CPAMD8: variants seen among roughly 807,000 people sequenced by gnomAD.
CPAMD8 encodes the protein C3 and PZP like alpha-2-macroglobulin domain containing 8.
A neutral mutation model predicts 224.7 loss-of-function variants in CPAMD8; 146 were observed. The ratio of observed to expected loss-of-function variants is 0.65; its 90% CI spans 0.57 to 0.75. The LOEUF (loss-of-function observed/expected upper bound fraction) is 0.75, where lower values mean the gene tolerates loss of function less well. Ranked by LOEUF, CPAMD8 falls within the 30% of genes least tolerant of loss-of-function variation. The probability of loss-of-function intolerance (pLI) is 0.00; values close to 1 mark genes in which losing one functional copy is unlikely to be tolerated. For synonymous variants in CPAMD8, 966 were observed against 1,044.6 expected, an observed-to-expected ratio of 0.92 and a Z score of 1.45; for missense variants, 2,301 against 2,537.5, an observed-to-expected ratio of 0.91 and a Z score of 2.00.
intron 19 of CPAMD8, 127 bp from the exon 20 acceptor site, chr19:16,952,327 T>C (rs1331484324): frequency 6.2e-6 from 4 of 642,808 alleles, no homozygotes; most frequent in Non-Finnish European, 1.1e-5. Flanking sequence ...GAAACAAGCA[T>C]TGAAGGCATC....
intron 17 of CPAMD8, among the ~76,000 whole-genome samples, chr19:16,973,825 C>T (rs2055152099): frequency 7.0e-6 from 1 of 141,934 alleles, no homozygotes; most frequent in Non-Finnish European, 1.5e-5. Context: ...ATAGCATTAG[C>T]CCTTTTTTTT....
At position 17,020,311 on chromosome 19, in the gene CPAMD8, T is replaced by A; in HGVS notation, c.267+20A>T. The A allele has an allele frequency of 1.3e-6, 2 of 1,563,084 alleles. No individual in the cohort carries two copies. Among genetic ancestry groups the A allele is most frequent in the South Asian group, 2.2e-5 (2 of 89,802 alleles). ...TTATTTCCAAGGTCAGGTTTATGAT[T>A]TTAAAAATCAACGGCTTACCTTGAG... On this transcript the variant is annotated intron_variant, in intron 3 of 41. Transcript: ENST00000443236.
chr19:16,929,739 A>G (rs2053491256), intron 23 of CPAMD8, among the ~76,000 whole-genome samples: 2 of 152,232 alleles, frequency 1.3e-5, no homozygotes, highest in Non-Finnish European at 2.9e-5. Context: ...TAAGATGCTC[A>G]GGGATAAATC....
chr19:16,930,991 A>G (rs1345783475), intron 23 of CPAMD8, among the ~76,000 whole-genome samples: 2 of 152,082 alleles, frequency 1.3e-5, no homozygotes, highest in African/African-American at 4.8e-5. Flanking sequence ...GCTGCTGCAC[A>G]CTTTCACGTG....
At position 16,921,899 on chromosome 19, in the gene CPAMD8, ACTCACCACATG is replaced by A; in HGVS notation, c.3624_3629+5del. 6.5e-7 allele frequency: 1 copy of A among 1,537,768 alleles called. No individual in the cohort carries two copies. Among genetic ancestry groups the A allele is most frequent in the Non-Finnish European group, 8.8e-7 (1 of 1,142,170 alleles). Reference sequence around the variant, plus strand: ...AGAGGCAATGCCCAGGGCGGTGGGGACTCACCACATGCTCCCCGATGCGTCCCGCTCCCCAA... The same window carrying A: ...AGAGGCAATGCCCAGGGCGGTGGGGACTCCCCGATGCGTCCCGCTCCCCAA... On this transcript the variant is annotated splice_donor_variant and splice_donor_5th_base_variant and coding_sequence_variant and intron_variant, in exon 27 of 42. Coordinates refer to ENST00000443236, the MANE Select transcript of CPAMD8 (RefSeq NM_015692.5). LOFTEE classifies it high-confidence loss of function.
chr19:16,903,869 G>A lies in CPAMD8; in HGVS notation c.4252-12C>T, dbSNP rs1274597003. The A allele has an allele frequency of 1.2e-6, 2 of 1,611,716 alleles. No homozygotes were observed. The highest frequency in any genetic ancestry group is 1.1e-5 in the South Asian group (1 of 91,060). Reference sequence around the variant, plus strand: ...GCCACGCAGGTGTCCTGGGGATGGAGGAGGAGACGGCCATCAACCCTGAGA... The same window carrying A: ...GCCACGCAGGTGTCCTGGGGATGGAAGAGGAGACGGCCATCAACCCTGAGA... On this transcript the variant is annotated splice_polypyrimidine_tract_variant and intron_variant, in intron 32 of 41. Transcript: ENST00000443236.
At chr19:16,904,191 C>G in intron 32 of CPAMD8, 35 bp downstream of exon 32, 1 of 1,504,186 alleles carries the variant, frequency 6.6e-7, no homozygotes. Context: ...ACCCACCCAG[C>G]CCTGAGCCCC....
intron 29 of CPAMD8, among the ~76,000 whole-genome samples, chr19:16,911,692 C>A (rs565690136): frequency 2.0e-5 from 3 of 152,038 alleles, no homozygotes; most frequent in Admixed American, 1.3e-4. Flanking sequence ...ACTACAGGCG[C>A]CTGCCACCAT....
Position 16,974,961 on chromosome 19 carries a change from C to A in CPAMD8, c.2070+136G>T. 3.3e-6 allele frequency: 4 copies of A among 1,200,804 alleles called. No homozygotes were observed. The South Asian group carries it at 6.5e-5, about 19-fold the overall frequency. 74.4% of individuals were successfully genotyped at this position (1,200,804 alleles called of 1,614,324 possible). On this transcript the variant is annotated intron_variant, in intron 17 of 41. Coordinates refer to ENST00000443236, the MANE Select transcript of CPAMD8 (RefSeq NM_015692.5). The stretch of plus-strand genomic sequence containing the variant: ...CTGCACTCCAGCCTGGGCCACAGAG[C>A]GAGACCCCATCTCGAAAAAAAGAAA...
intron 23 of CPAMD8, 68 bp downstream of exon 23, chr19:16,938,327 G>T: frequency 1.2e-6 from 1 of 802,634 alleles, no homozygotes; most frequent in Non-Finnish European, 2.0e-6. Flanking sequence ...GTGTGGGAAA[G>T]GGGGAAGGCC....
chr19:16,991,915 C>A (rs1340551221), intron 12 of CPAMD8, among the ~76,000 whole-genome samples: 1 of 151,482 alleles, frequency 6.6e-6, no homozygotes, highest in Non-Finnish European at 1.5e-5. Flanking sequence ...GTGTGTTGAG[C>A]AGCAGGTCCA....
intron 27 of CPAMD8, among the ~76,000 whole-genome samples, chr19:16,916,089 A>T (rs1427901850): frequency 6.6e-6 from 1 of 151,066 alleles, no homozygotes; most frequent in Non-Finnish European, 1.5e-5. Context: ...GTCCTAACTC[A>T]CTGTAGCCTA....
rs188097675 is a variant in CPAMD8, at chr19:16,896,339, G to T, written c.5276-13C>A. 7.5e-6 allele frequency: 12 copies of T among 1,595,692 alleles called. No individual in the cohort carries two copies. In the African/African-American group the frequency reaches 9.4e-5, roughly 12 times the overall value. On this transcript the variant is annotated splice_polypyrimidine_tract_variant and intron_variant, in intron 40 of 41. Coordinates refer to ENST00000443236, the MANE Select transcript of CPAMD8 (RefSeq NM_015692.5). ...GGCAGCCGCTGCTCTGGAAGGAAGG[G>T]GGCCTCGGTCGGGAGGGCGTGGCGG...
At chr19:16,923,175 T>G (rs989702416) in intron 26 of CPAMD8, among the ~76,000 whole-genome samples, 2 of 152,166 alleles carry the variant, frequency 1.3e-5, no homozygotes, top group Non-Finnish European at 2.9e-5. Flanking sequence ...AAGGCTGGGC[T>G]GGGAGTGTGG....
chr19:16,924,952 AC>A (rs967913981), intron 26 of CPAMD8, among the ~76,000 whole-genome samples: 8 of 152,124 alleles, frequency 5.3e-5, no homozygotes, highest in Non-Finnish European at 1.0e-4. Context: ...AAAAAAATCC[AC>A]ACTTTAAAAA....
intron 14 of CPAMD8, among the ~76,000 whole-genome samples, chr19:16,979,448 A>ATCCACCCATTTATCTATCC: frequency 6.3e-5 from 3 of 47,838 alleles, no homozygotes; most frequent in Non-Finnish European, 6.5e-5. Flanking sequence ...CCATCTATCA[A>ATCCACCCATTTATCTATCC]TCCACCCATC....
intron 11 of CPAMD8, among the ~76,000 whole-genome samples, chr19:16,994,654 A>G (rs1190550342): frequency 6.8e-6 from 1 of 147,616 alleles, no homozygotes; most frequent in African/African-American, 2.5e-5. Context: ...GATAGCTGGG[A>G]CCACAGGTGT....
At chr19:17,017,964 C>T (rs2056855340) in intron 3 of CPAMD8, among the ~76,000 whole-genome samples, 1 of 150,290 alleles carries the variant, frequency 6.7e-6, no homozygotes, top group South Asian at 2.1e-4. Context: ...ACCCAGGAAG[C>T]GGAGGTTGCA....
intron 14 of CPAMD8, among the ~76,000 whole-genome samples, chr19:16,978,725 G>T (rs1324725283): frequency 6.6e-6 from 1 of 152,058 alleles, no homozygotes; most frequent in Non-Finnish European, 1.5e-5. Flanking sequence ...AAGAAGGAGG[G>T]ATCTTCTCTG....
Sources: gnomAD v4.1 joint callset for allele counts (sites outside exome capture counted in the v4.1 genomes callset) on GRCh38, gnomAD v4.1.1 for gene constraint, MANE v1.5 for transcripts, NCBI Gene and HGNC (gene_info 2026-07-23, HGNC 2026-07-21) for gene names.